KCNT1: variants seen among roughly 807,000 people sequenced by gnomAD.
KCNT1 encodes the protein potassium sodium-activated channel subfamily T member 1.
KCNT1 carries 78 observed loss-of-function variants against 147.8 expected under a neutral mutation model. The ratio of observed to expected loss-of-function variants is 0.53; its 90% confidence interval spans 0.44 to 0.64. The LOEUF is 0.64. KCNT1 is among the 30% of genes least tolerant of loss of function. The pLI is 0.00. For missense variants in KCNT1, 1,419 were observed against 1,750.3 expected (o/e 0.81, Z 3.38); for synonymous variants, 867 against 748.8 (o/e 1.16, Z -2.58).
chr9:135,710,581 G>A (rs1835444159), intron 1 of KCNT1, among the ~76,000 whole-genome samples: 2 of 152,114 alleles, frequency 1.3e-5, no homozygotes, highest in East Asian at 1.9e-4. Context: ...GGATTCCAAC[G>A]TGGGCTTCAG....
chr9:135,705,086 C>A (rs1333207317), intron 1 of KCNT1, among the ~76,000 whole-genome samples: 2 of 152,244 alleles, frequency 1.3e-5, no homozygotes, highest in Admixed American at 6.5e-5. Flanking sequence ...GTTCACCCAC[C>A]GTATGGGGAG....
At chr9:135,760,104 A>G (rs1028465962) in intron 11 of KCNT1, among the ~76,000 whole-genome samples, 1 of 151,514 alleles carries the variant, frequency 6.6e-6, no homozygotes, top group Non-Finnish European at 1.5e-5. Flanking sequence ...TTCTGGGGAG[A>G]TGGTGGGTCT....
chr9:135,726,991 C>T (rs578068655), intron 2 of KCNT1, among the ~76,000 whole-genome samples: 2 of 107,184 alleles, frequency 1.9e-5, no homozygotes, highest in Non-Finnish European at 4.0e-5. Flanking sequence ...CTCTCTCTCC[C>T]TCTCTCCCTC....
intron 3 of KCNT1, 52 bp downstream of exon 3, chr9:135,750,229 C>G: frequency 6.8e-7 from 1 of 1,473,320 alleles, no homozygotes; most frequent in Middle Eastern, 1.7e-4. Flanking sequence ...GTTGAGGGCG[C>G]CGGGAGCAAG....
chr9:135,780,920 C>T (rs1833565081), intron 24 of KCNT1, among the ~76,000 whole-genome samples: 1 of 152,198 alleles, frequency 6.6e-6, no homozygotes, highest in Admixed American at 6.5e-5. Flanking sequence ...GTCATCCTGG[C>T]GCGGCTCCTC....
At chr9:135,765,288 C>T (rs745490301) in intron 12 of KCNT1, 93 bp downstream of exon 12, 4 of 1,256,264 alleles carry the variant, frequency 3.2e-6, no homozygotes, top group South Asian at 1.3e-5. Context: ...GTCCCTGAGT[C>T]CTCTCAGCCT....
rs757884130 is a variant in KCNT1 at position 135,758,468 on chromosome 9, C to G, written c.814C>G (p.Leu272Val). ...ACAGTCAGCCATGTTCAACCAGGTC[C>G]TCATCCTCTTCTGCACCCTGCTGTG... Reference protein sequence around the residue: ...RTQSAMFNQVLILFCTLLCLV... With the variant: ...RTQSAMFNQVVILFCTLLCLV... The change falls in exon 10 of 31, where the codon CTC (leucine) becomes GTC (valine). Residue 272 changes from leucine (L) to valine (V), a missense_variant. Physicochemically the swap from Leu to Val is conservative, Grantham distance 32 (BLOSUM62 1). Coordinates refer to ENST00000371757, the MANE Select transcript of KCNT1 (RefSeq NM_020822.3). 6.2e-7 allele frequency: 1 copy of G among 1,613,668 alleles called. No individual in the cohort carries two copies. The highest frequency in any genetic ancestry group is 1.3e-5 in the African/African-American group (1 of 74,946).
At chr9:135,739,538 T>C (rs1016386180) in intron 2 of KCNT1, among the ~76,000 whole-genome samples, 2 of 151,850 alleles carry the variant, frequency 1.3e-5, no homozygotes, top group Non-Finnish European at 2.9e-5. Context: ...TGCTCCTCCA[T>C]GCCCCCCTCA....
intron 2 of KCNT1, among the ~76,000 whole-genome samples, chr9:135,716,364 T>C (rs770574965): frequency 2.0e-5 from 3 of 152,182 alleles, no homozygotes; most frequent in Non-Finnish European, 4.4e-5. Flanking sequence ...AGGCTTTTGC[T>C]GTCCGCCTAG....
At chr9:135,758,967 C>A (rs1831710195) in intron 10 of KCNT1, among the ~76,000 whole-genome samples, 1 of 152,238 alleles carries the variant, frequency 6.6e-6, no homozygotes, top group South Asian at 2.1e-4. Flanking sequence ...TGCTGCTCTG[C>A]CTTGGGTCCC....
At chr9:135,724,143 A>G (rs927595787) in intron 2 of KCNT1, among the ~76,000 whole-genome samples, 20 of 150,838 alleles carry the variant, frequency 1.3e-4, no homozygotes, top group African/African-American at 4.7e-4. Context: ...CGAGAGGCAC[A>G]GGGGGAGGGC....
chr9:135,717,370 C>T (rs1207849088), intron 2 of KCNT1, among the ~76,000 whole-genome samples: 2 of 152,126 alleles, frequency 1.3e-5, no homozygotes, highest in Non-Finnish European at 2.9e-5. Context: ...GAGTGGTTCC[C>T]CACTTCTCAC....
chr9:135,752,917 TGATGGATGGATGGATGGACAGATAAGTA>T lies in KCNT1; in HGVS notation c.435-1012_435-985del, dbSNP rs1193888690. On this transcript the variant is annotated intron_variant, in intron 4 of 30. Transcript: ENST00000371757. This position sits in a 1 kb window ranked among gnomAD's most constrained non-coding sequence, Gnocchi z 5.1. ...AAGGATGGAGGGATGAGTGGATGGA[TGATGGATGGATGGATGGACAGATAAGTA>T]GATGGATAGATGGATGAGTGGATGG... Among the ~76,000 whole-genome samples, 2 of 144,120 alleles carry T rather than the reference TGATGGATGGATGGATGGACAGATAAGTA, an allele frequency of 1.4e-5. No homozygotes were observed. Among genetic ancestry groups the T allele is most frequent in the South Asian group, 2.2e-4 (1 of 4,460 alleles). The allele number at this position is 144,120 out of a possible 152,430, so 94.5% of individuals were successfully genotyped here. A position where few individuals can be genotyped will look rare whatever the true frequency, so the allele number is the denominator to read the frequency against.
intron 24 of KCNT1, among the ~76,000 whole-genome samples, chr9:135,781,291 G>T (rs559614895): frequency 1.3e-5 from 2 of 152,340 alleles, no homozygotes; most frequent in Admixed American, 1.3e-4. Flanking sequence ...GTCCATGTGG[G>T]ACAGATGCCC....
intron 3 of KCNT1, chr9:135,750,653 T>A (rs1712657179): frequency 3.7e-6 from 2 of 534,854 alleles, no homozygotes; most frequent in African/African-American, 3.8e-5. Context: ...ACCTGCCTGC[T>A]CCCCAATCCC....
chr9:135,715,070 G>A (rs907615097), intron 2 of KCNT1, among the ~76,000 whole-genome samples: 1 of 152,172 alleles, frequency 6.6e-6, no homozygotes, highest in Non-Finnish European at 1.5e-5. Context: ...GGCCGGAAGC[G>A]CCCCGGTGGC....
chr9:135,739,330 T>G (rs957065050), intron 2 of KCNT1, among the ~76,000 whole-genome samples: 2 of 151,990 alleles, frequency 1.3e-5, no homozygotes, highest in African/African-American at 4.8e-5. Context: ...AGCACCCCAG[T>G]GTCTATGGCA....
intron 2 of KCNT1, among the ~76,000 whole-genome samples, chr9:135,740,895 GCTCCC>G (rs1000080457): frequency 2.6e-5 from 4 of 152,006 alleles, no homozygotes; most frequent in African/African-American, 7.2e-5. Context: ...AGCTTCCTCA[GCTCCC>G]CTCCCCTCCC....
Position 135,768,277 on chromosome 9 carries a change from G to GCA in KCNT1, c.1338-333_1338-332insCA, listed in dbSNP as rs1419878769. ...GGGGGGCACTGGGATACCGGTGGGGGGGGCACAGGGATGCCTGCTGGTGGA... is the reference window on the plus strand; with the variant it reads ...GGGGGGCACTGGGATACCGGTGGGGGCAGGGCACAGGGATGCCTGCTGGTGGA... On this transcript the variant is annotated intron_variant, in intron 13 of 30. Transcript: ENST00000371757. 1.5e-3 allele frequency among the ~76,000 whole-genome samples: 109 copies of GCA among 72,350 alleles called. 10 individuals are homozygous for GCA. The highest frequency in any genetic ancestry group is 3.0e-3 in the Non-Finnish European group (98 of 33,070). The allele number at this position is 72,350 out of a possible 152,430, so 47.5% of individuals were successfully genotyped here. A position where few individuals can be genotyped will look rare whatever the true frequency, so the allele number is the denominator to read the frequency against.
Sources: gnomAD v4.1 joint callset for allele counts (sites outside exome capture counted in the v4.1 genomes callset) on GRCh38, gnomAD v4.1.1 for gene constraint, Gnocchi (gnomAD v3.1) non-coding constraint, MANE v1.5 for transcripts, NCBI Gene and HGNC (gene_info 2026-07-23, HGNC 2026-07-21) for gene names.